Variants in SEC24D observed in about 807,000 individuals in gnomAD.
SEC24D encodes SEC24 homolog D, COPII component, also known as protein transport protein Sec24D.
A neutral mutation model predicts 116.9 loss-of-function variants in SEC24D; 69 were observed. The observed-to-expected ratio is 0.59, with a 90% CI of 0.49 to 0.72. The LOEUF is 0.72. SEC24D is among the 30% of genes least tolerant of loss of function. The pLI, the probability that SEC24D is intolerant of heterozygous loss-of-function variation, is 0.00. For synonymous variants in SEC24D, 405 were observed against 442.8 expected, an observed-to-expected ratio of 0.91 and a Z score of 1.07; for missense variants, 1,131 against 1,264.1, an observed-to-expected ratio of 0.89 and a Z score of 1.60.
chr4:118,762,156 A>G (rs578117547), intron 10 of SEC24D, among the ~76,000 whole-genome samples: 1 of 152,056 alleles, frequency 6.6e-6, no homozygotes, highest in South Asian at 2.1e-4. Context: ...TACACTTTAC[A>G]TGCAGATATA....
At chr4:118,779,759 T>C (rs552245844) in intron 8 of SEC24D, among the ~76,000 whole-genome samples, 3 of 152,336 alleles carry the variant, frequency 2.0e-5, no homozygotes, top group African/African-American at 7.2e-5. Context: ...GGTAGGCTAT[T>C]GATTATTGCC....
chr4:118,745,103 GA>G (rs1202546460), intron 13 of SEC24D, 43 bp from the exon 14 acceptor site: 1 of 1,038,370 alleles, frequency 9.6e-7, no homozygotes, highest in South Asian at 1.4e-5. Flanking sequence ...AAAATGCCGT[GA>G]GTAGGAACAT....
rs77446066 is a variant in SEC24D, at chr4:118,788,207, G to A, written c.1041+9476C>T. On this transcript the variant is annotated intron_variant, in intron 8 of 22. Transcript: ENST00000280551. ...ATGAAATCACTTTGGGTTGGGTTGC[G>A]AAATTTGTTCACATTAATTTCTAAT... Among the ~76,000 whole-genome samples the A allele has an allele frequency of 9.5e-3, 1,452 of 152,274 alleles. 25 individuals are homozygous for A. Among genetic ancestry groups the A allele is most frequent in the African/African-American group, 0.032 (1,345 of 41,550 alleles).
At chr4:118,762,969 A>G (rs1361373093) in intron 10 of SEC24D, among the ~76,000 whole-genome samples, 1 of 152,196 alleles carries the variant, frequency 6.6e-6, no homozygotes. Flanking sequence ...GCAGAGAACT[A>G]GAAACTGAGA....
intron 4 of SEC24D, among the ~76,000 whole-genome samples, chr4:118,816,510 C>A (rs1330697680): frequency 6.6e-6 from 1 of 152,198 alleles, no homozygotes; most frequent in Non-Finnish European, 1.5e-5. Flanking sequence ...CACCAACATG[C>A]TCTCCAATCA....
chr4:118,779,753 G>A (rs1016344860), intron 8 of SEC24D, among the ~76,000 whole-genome samples: 1 of 152,084 alleles, frequency 6.6e-6, no homozygotes, highest in African/African-American at 2.4e-5. Context: ...TTGGTTGGTA[G>A]GCTATTGATT....
At chr4:118,751,366 C>T (rs529232302) in intron 13 of SEC24D, among the ~76,000 whole-genome samples, 2 of 151,900 alleles carry the variant, frequency 1.3e-5, no homozygotes, top group East Asian at 3.9e-4. Flanking sequence ...TTAGTAGAGA[C>T]GGGGTTTCTC....
At chr4:118,756,665 G>A in intron 11 of SEC24D, among the ~76,000 whole-genome samples, 1 of 152,064 alleles carries the variant, frequency 6.6e-6, no homozygotes, top group South Asian at 2.1e-4. Flanking sequence ...AGACAGGTTG[G>A]GGGTGGGACA....
Position 118,752,775 on chromosome 4 carries a change from G to A in SEC24D, c.1535C>T (p.Thr512Ile), listed in dbSNP as rs755429063. ...NLAQPQMMVVTDVGEVFVPLL... is the reference protein window; with the variant it reads ...NLAQPQMMVVIDVGEVFVPLL... ...AGGAACAAAGACTTCTCCAACATCAGTCACCACCATCATCTGAGGCTGGGC... is the reference window on the plus strand; with the variant it reads ...AGGAACAAAGACTTCTCCAACATCAATCACCACCATCATCTGAGGCTGGGC... The change falls in exon 12 of 23, where the codon ACT becomes ATT. Residue 512 changes from threonine (T) to isoleucine (I), a missense_variant. Transcript: ENST00000280551. 1 of 1,612,292 alleles carries A rather than the reference G, an allele frequency of 6.2e-7. No homozygotes were observed. Among genetic ancestry groups the A allele is most frequent in the South Asian group, 1.1e-5 (1 of 90,772 alleles).
chr4:118,782,301 C>A (rs1479305491), intron 8 of SEC24D, among the ~76,000 whole-genome samples: 3 of 152,176 alleles, frequency 2.0e-5, no homozygotes, highest in Non-Finnish European at 4.4e-5. Context: ...GATGTTGATG[C>A]TATTCCTTTC....
intron 6 of SEC24D, among the ~76,000 whole-genome samples, chr4:118,810,732 G>A (rs563065057): frequency 3.3e-5 from 5 of 151,946 alleles, no homozygotes; most frequent in Non-Finnish European, 7.4e-5. Context: ...GCTGTCCTGC[G>A]AGCACATTTT....
intron 8 of SEC24D, among the ~76,000 whole-genome samples, chr4:118,796,418 A>G (rs564928490): frequency 2.0e-5 from 3 of 152,348 alleles, no homozygotes; most frequent in African/African-American, 7.2e-5. Context: ...TACTGAATGT[A>G]CATCTTGATT....
intron 3 of SEC24D, among the ~76,000 whole-genome samples, chr4:118,819,974 G>A (rs1730327600): frequency 6.6e-6 from 1 of 152,052 alleles, no homozygotes; most frequent in Non-Finnish European, 1.5e-5. Context: ...CAGGAGTTAG[G>A]TTTCAGAAAT....
At chr4:118,796,687 A>G (rs1359919448) in intron 8 of SEC24D, among the ~76,000 whole-genome samples, 1 of 152,074 alleles carries the variant, frequency 6.6e-6, no homozygotes, top group Non-Finnish European at 1.5e-5. Flanking sequence ...CCCCTTCCTC[A>G]CACTGCTTTA....
intron 17 of SEC24D, 112 bp downstream of exon 17, chr4:118,740,551 G>C: frequency 1.6e-6 from 2 of 1,229,514 alleles, no homozygotes; most frequent in Non-Finnish European, 2.3e-6. Flanking sequence ...TGGAGAAAGA[G>C]TTGAATTTTT....
intron 19 of SEC24D, chr4:118,735,891 G>T (rs1321753343): frequency 6.6e-6 from 1 of 151,810 alleles, no homozygotes; most frequent in Non-Finnish European, 1.5e-5. Flanking sequence ...TGGAGGTTTC[G>T]ATATGTTGCC....
intron 8 of SEC24D, among the ~76,000 whole-genome samples, chr4:118,774,123 T>G (rs1728032366): frequency 1.3e-5 from 2 of 151,946 alleles, no homozygotes; most frequent in South Asian, 4.1e-4. Flanking sequence ...CCTAAAACTT[T>G]GCTTTTTTGC....
chr4:118,786,904 C>T (rs1249870527), intron 8 of SEC24D, among the ~76,000 whole-genome samples: 1 of 152,096 alleles, frequency 6.6e-6, no homozygotes, highest in African/African-American at 2.4e-5. Flanking sequence ...TATTGTTTCT[C>T]CTGAAGTTGT....
At position 118,797,671 on chromosome 4, in the gene SEC24D, T is replaced by A; in HGVS notation, c.1041+12A>T. On this transcript the variant is annotated intron_variant, in intron 8 of 22. Coordinates refer to ENST00000280551, the MANE Select transcript of SEC24D (RefSeq NM_014822.4). ...GATAAATTATTGAATTGCTATTATATATCATTCTTACCTCATTTGAAGGAA... is the reference window on the plus strand; with the variant it reads ...GATAAATTATTGAATTGCTATTATAAATCATTCTTACCTCATTTGAAGGAA... 6.4e-7 allele frequency: 1 copy of A among 1,567,708 alleles called. No individual in the cohort carries two copies. The highest frequency in any genetic ancestry group is 8.7e-7 in the Non-Finnish European group (1 of 1,151,936).
Sources: gnomAD v4.1 joint callset for allele counts (sites outside exome capture counted in the v4.1 genomes callset) on GRCh38, gnomAD v4.1.1 for gene constraint, MANE v1.5 for transcripts, NCBI Gene and HGNC (gene_info 2026-07-23, HGNC 2026-07-21) for gene names.